VKORC1L1: variants seen among roughly 807,000 people sequenced by gnomAD.
VKORC1L1 encodes the protein vitamin K epoxide reductase complex subunit 1-like protein 1.
Under a neutral mutation model 18.9 loss-of-function variants are expected in VKORC1L1, and 2 were observed. The observed-to-expected ratio is 0.11, with a 90% CI of 0.04 to 0.33. The LOEUF (loss-of-function observed/expected upper bound fraction) is 0.33, where lower values mean the gene tolerates loss of function less well. Ranked by LOEUF, VKORC1L1 falls within the 10% of genes least tolerant of loss-of-function variation. The pLI is 1.00. For missense variants in VKORC1L1, 123 were observed against 224.1 expected (o/e 0.55, Z 2.88); for synonymous variants, 96 against 100.0 (o/e 0.96, Z 0.24).
At chr7:65,940,378 A>G (rs1442509163) in intron 1 of VKORC1L1, among the ~76,000 whole-genome samples, 2 of 152,164 alleles carry the variant, frequency 1.3e-5, no homozygotes, top group East Asian at 3.8e-4. Context: ...TGATAGCAGA[A>G]GAAAGATATT....
intron 1 of VKORC1L1, among the ~76,000 whole-genome samples, chr7:65,901,561 C>G (rs769902428): frequency 6.6e-6 from 1 of 152,144 alleles, no homozygotes; most frequent in Non-Finnish European, 1.5e-5. Context: ...CTACTGAGCT[C>G]TATGGTTGCC....
At chr7:65,933,800 T>C (rs747324256) in intron 1 of VKORC1L1, among the ~76,000 whole-genome samples, 2 of 152,306 alleles carry the variant, frequency 1.3e-5, no homozygotes, top group East Asian at 3.9e-4. Flanking sequence ...TCTATTGACT[T>C]TTTATTTTTA....
Position 65,873,273 on chromosome 7 carries a change from G to T in VKORC1L1, c.-99G>T. On this transcript the variant is annotated 5_prime_UTR_variant, in exon 1 of 3. The change creates a premature stop within an existing upstream ORF in the 5' untranslated region. Transcript: ENST00000360768. ...CGGCGGCGGTGGTGGCGGCGGCGGC[G>T]GAGGCGGCGGTGGCGGCGGTGGCGG... The T allele has an allele frequency of 1.0e-5, 10 of 980,250 alleles. No homozygotes were observed. The highest frequency in any genetic ancestry group is 1.1e-5 in the Non-Finnish European group (9 of 829,316). 60.7% of individuals were successfully genotyped at this position (980,250 alleles called of 1,614,324 possible). A position where few individuals can be genotyped will look rare whatever the true frequency, so the allele number is the denominator to read the frequency against.
At chr7:65,889,338 G>A (rs555867518) in intron 1 of VKORC1L1, among the ~76,000 whole-genome samples, 2 of 152,224 alleles carry the variant, frequency 1.3e-5, no homozygotes, top group East Asian at 3.9e-4. Flanking sequence ...AATAAATTCA[G>A]TATGTCCAAG....
At chr7:65,950,178 T>A (rs1253184004) in intron 2 of VKORC1L1, among the ~76,000 whole-genome samples, 1 of 152,236 alleles carries the variant, frequency 6.6e-6, no homozygotes, top group Non-Finnish European at 1.5e-5. Flanking sequence ...TTACTCTTTT[T>A]AATTTCCTTT....
At chr7:65,876,813 C>T (rs1408356920) in intron 1 of VKORC1L1, among the ~76,000 whole-genome samples, 1 of 152,166 alleles carries the variant, frequency 6.6e-6, no homozygotes, top group Non-Finnish European at 1.5e-5. Context: ...GGGACGCTGA[C>T]ACCTGGCAGA....
In VKORC1L1 at chr7:65,957,977, G is replaced by A. The variant is rs1274049524; in HGVS notation, c.*3677G>A. ...CAAGAGTGACAGGAGATCTTGTCTT[G>A]GAAGATCATTATTAGATGCCAACAA... On this transcript the variant is annotated 3_prime_UTR_variant, in exon 3 of 3. Transcript: ENST00000360768. The A allele has an allele frequency of 6.6e-6, 1 of 152,164 alleles. No homozygotes were observed. The highest frequency in any genetic ancestry group is 1.9e-4 in the East Asian group (1 of 5,194). 9.4% of individuals were successfully genotyped at this position (152,164 alleles called of 1,614,324 possible).
chr7:65,895,470 AAAAAAAAAAAATATATATATATAT>A (rs1305051225), intron 1 of VKORC1L1, among the ~76,000 whole-genome samples: 12 of 54,304 alleles, frequency 2.2e-4, no homozygotes, highest in South Asian at 8.6e-4. Context: ...AAAAAAAAAA[AAAAAAAAAAAATATATATATATAT>A]ATATATATAT....
chr7:65,928,103 T>G (rs1185043329), intron 1 of VKORC1L1, among the ~76,000 whole-genome samples: 1 of 151,198 alleles, frequency 6.6e-6, no homozygotes, highest in Non-Finnish European at 1.5e-5. Flanking sequence ...AACTATTGAA[T>G]TTTTTTTTAA....
At chr7:65,948,629 G>T in intron 1 of VKORC1L1, 42 bp from the exon 2 acceptor site, 2 of 694,814 alleles carry the variant, frequency 2.9e-6, no homozygotes, top group Non-Finnish European at 4.5e-6. Context: ...TTTAAAATAG[G>T]GAAATTCAAA....
chr7:65,866,917 G>A, the VKORC1L1 span, among the ~76,000 whole-genome samples: 2,905 of 152,202 alleles, frequency 0.019, 57 homozygotes, highest in East Asian at 0.087. Context: ...AGAGCTGGGT[G>A]TGGTGGCTCA....
At chr7:65,936,718 T>G (rs1789947349) in intron 1 of VKORC1L1, among the ~76,000 whole-genome samples, 1 of 152,196 alleles carries the variant, frequency 6.6e-6, no homozygotes, top group Non-Finnish European at 1.5e-5. Flanking sequence ...CCTTCTCTGG[T>G]CCTTTCCTTG....
At chr7:65,877,167 TTC>T (rs1398101307) in intron 1 of VKORC1L1, among the ~76,000 whole-genome samples, 1 of 152,234 alleles carries the variant, frequency 6.6e-6, no homozygotes, top group Non-Finnish European at 1.5e-5. Flanking sequence ...ATTGGAGATG[TTC>T]TTTTTTTTCC....
upstream of VKORC1L1, among the ~76,000 whole-genome samples, chr7:65,868,423 C>G (rs1208805238): frequency 6.6e-6 from 1 of 152,058 alleles, no homozygotes; most frequent in Admixed American, 6.6e-5. Flanking sequence ...GGAGATTTCT[C>G]AAAAAACTAA....
At chr7:65,900,738 G>A (rs574836332) in intron 1 of VKORC1L1, among the ~76,000 whole-genome samples, 1 of 152,330 alleles carries the variant, frequency 6.6e-6, no homozygotes, top group East Asian at 1.9e-4. Context: ...CCCAGAGGCA[G>A]AGGTTGCCGT....
In VKORC1L1 at chr7:65,938,284, A is replaced by T. The variant is rs182872205; in HGVS notation, c.195-10387A>T. Among the ~76,000 whole-genome samples the T allele has an allele frequency of 1.9e-3, 285 of 152,364 alleles. 3 individuals are homozygous for T. The highest frequency in any genetic ancestry group is 6.7e-3 in the African/African-American group (278 of 41,602). On this transcript the variant is annotated intron_variant, in intron 1 of 2. Transcript: ENST00000360768. ...GAATAATCAGAGACTAAGAGAGAAC[A>T]CATAAAATTAAACATATGTTAGCAA...
Position 65,941,688 on chromosome 7 carries a change from T to G in VKORC1L1, c.195-6983T>G, listed in dbSNP as rs1790036538. Among the ~76,000 whole-genome samples the G allele has an allele frequency of 2.8e-5, 4 of 144,656 alleles. No individual in the cohort carries two copies. The South Asian group carries it at 9.3e-4, about 34-fold the overall frequency. The allele number at this position is 144,656 out of a possible 152,430, so 94.9% of individuals were successfully genotyped here. ...TTTTCTTAAGGTTTTTTTTTTTTTT[T>G]TTTTTTTTTTGAGAGTTTTGCTCTA... On this transcript the variant is annotated intron_variant, in intron 1 of 2. Transcript: ENST00000360768.
intron 1 of VKORC1L1, among the ~76,000 whole-genome samples, chr7:65,900,811 TAATAAA>T (rs1287337041): frequency 1.3e-5 from 2 of 151,986 alleles, no homozygotes; most frequent in African/African-American, 2.4e-5. Context: ...CTAAAAATAA[TAATAAA>T]AATAATAATA....
upstream of VKORC1L1, among the ~76,000 whole-genome samples, chr7:65,871,801 G>C (rs1788729418): frequency 6.6e-6 from 1 of 151,966 alleles, no homozygotes; most frequent in South Asian, 2.1e-4. Context: ...CAGCTTGATT[G>C]TATCCTCATG....
Sources: allele counts gnomAD v4.1 joint callset (sites outside exome capture counted in the v4.1 genomes callset), GRCh38; gene constraint gnomAD v4.1.1; transcripts MANE v1.5; gene names NCBI Gene and HGNC (gene_info 2026-07-23, HGNC 2026-07-21).